KLHL1: variants seen among roughly 807,000 people sequenced by gnomAD.
KLHL1 encodes the protein kelch like family member 1, also known as kelch-like protein 1.
KLHL1 carries 47 observed loss-of-function variants against 77.7 expected under a neutral mutation model. That is an observed-to-expected ratio of 0.60 (90% confidence interval 0.48 to 0.77). KLHL1 has a LOEUF of 0.77. Among genes scored for constraint, KLHL1 ranks in the 30% least tolerant of loss-of-function variants. The pLI, the probability that KLHL1 is intolerant of heterozygous loss-of-function variation, is 0.00. For synonymous variants in KLHL1, 360 were observed against 325.2 expected, an observed-to-expected ratio of 1.11 and a Z score of -1.15; for missense variants, 925 against 910.8, an observed-to-expected ratio of 1.02 and a Z score of -0.20.
At chr13:70,046,146 G>A (rs1030321217) in intron 1 of KLHL1, among the ~76,000 whole-genome samples, 3 of 152,070 alleles carry the variant, frequency 2.0e-5, no homozygotes, top group African/African-American at 7.2e-5. Flanking sequence ...TGTAGGCAGA[G>A]GATACAACCA....
intron 4 of KLHL1, among the ~76,000 whole-genome samples, chr13:69,902,805 A>G (rs1215226296): frequency 6.6e-6 from 1 of 152,000 alleles, no homozygotes; most frequent in Non-Finnish European, 1.5e-5. Flanking sequence ...ACCTAATGTA[A>G]AATGATGAGT....
chr13:69,811,953 T>A (rs1399291961), intron 6 of KLHL1, among the ~76,000 whole-genome samples: 1 of 152,146 alleles, frequency 6.6e-6, no homozygotes, highest in Middle Eastern at 3.2e-3. Context: ...AGCTTTTGAA[T>A]GTGTTTGCTC....
In KLHL1 at chr13:69,740,490, G is replaced by C; in HGVS notation, c.1706C>G (p.Thr569Arg). ...ACTCTGTGGATCCCACCTTTCCACTGTATTCAGATAGCTCCAGCCATCATG... is the reference window on the plus strand; with the variant it reads ...ACTCTGTGGATCCCACCTTTCCACTCTATTCAGATAGCTCCAGCCATCATG... ...GGHDGWSYLN[T>R]VERWDPQSQQ... is the part of the protein sequence containing the mutation. The change falls in exon 8 of 11, where the codon ACA (threonine) becomes AGA (arginine). Residue 569 changes from threonine to arginine, a missense_variant. Transcript: ENST00000377844. The C allele has an allele frequency of 6.2e-7, 1 of 1,612,816 alleles. No homozygotes were observed. Among genetic ancestry groups the C allele is most frequent in the Non-Finnish European group, 8.5e-7 (1 of 1,179,064 alleles).
intron 1 of KLHL1, among the ~76,000 whole-genome samples, chr13:70,082,039 G>T (rs1238202323): frequency 1.3e-5 from 2 of 152,016 alleles, no homozygotes; most frequent in Non-Finnish European, 2.9e-5. Flanking sequence ...AGGTCAGGTT[G>T]TTTAAAGTTT....
In KLHL1 at chr13:69,975,811, C is replaced by A. The variant is rs767256209; in HGVS notation, c.498-9G>T. The A allele has an allele frequency of 7.2e-6, 6 of 834,884 alleles. No individual in the cohort carries two copies. The African/African-American group carries it at 1.1e-4, about 16-fold the overall frequency. The allele number at this position is 834,884 out of a possible 1,614,324, so 51.7% of individuals were successfully genotyped here. A position where few individuals can be genotyped will look rare whatever the true frequency, so the allele number is the denominator to read the frequency against. ...GGCCGGTTGATGACAGCCTATAAAC[C>A]ACACACACACACACACACACACAAA... On this transcript the variant is annotated splice_polypyrimidine_tract_variant and intron_variant, in intron 1 of 10. Transcript: ENST00000377844.
Position 69,766,317 on chromosome 13 carries a change from T to C in KLHL1, c.1640-25761A>G, listed in dbSNP as rs9572265. On this transcript the variant is annotated intron_variant, in intron 7 of 10. Transcript: ENST00000377844. ...TTTTTCATTATTATACATTAGCTGTTTCAAATATGCAAATGTTGAGTTCCT... is the reference window on the plus strand; with the variant it reads ...TTTTTCATTATTATACATTAGCTGTCTCAAATATGCAAATGTTGAGTTCCT... 3.2e-3 allele frequency among the ~76,000 whole-genome samples: 491 copies of C among 152,178 alleles called. 4 individuals are homozygous for C. Among genetic ancestry groups the C allele is most frequent in the East Asian group, 0.026 (133 of 5,174 alleles).
At chr13:70,093,173 G>T (rs1277449344) in intron 1 of KLHL1, among the ~76,000 whole-genome samples, 1 of 152,108 alleles carries the variant, frequency 6.6e-6, no homozygotes, top group Non-Finnish European at 1.5e-5. Context: ...TAGAAGAGGT[G>T]AAAATACGAT....
At chr13:69,999,182 G>A (rs1393799708) in intron 1 of KLHL1, among the ~76,000 whole-genome samples, 2 of 152,034 alleles carry the variant, frequency 1.3e-5, no homozygotes. Flanking sequence ...ATTATATAAT[G>A]TAACATAATC....
chr13:69,779,081 A>C (rs1875988489), intron 7 of KLHL1, among the ~76,000 whole-genome samples: 1 of 152,080 alleles, frequency 6.6e-6, no homozygotes, highest in Non-Finnish European at 1.5e-5. Flanking sequence ...TACAGGTCTA[A>C]GCCACCATGC....
chr13:69,851,516 G>A (rs1197544085), intron 5 of KLHL1, among the ~76,000 whole-genome samples: 2 of 151,800 alleles, frequency 1.3e-5, no homozygotes, highest in Non-Finnish European at 1.5e-5. Flanking sequence ...TGACTTTAGA[G>A]TTGCATGAAG....
chr13:69,827,559 G>A (rs905194162), intron 6 of KLHL1, among the ~76,000 whole-genome samples: 5 of 151,750 alleles, frequency 3.3e-5, no homozygotes, highest in Non-Finnish European at 7.4e-5. Context: ...GTGAAACCCC[G>A]TCTCTACAGA....
intron 5 of KLHL1, among the ~76,000 whole-genome samples, chr13:69,877,837 CTGTTA>C (rs1401455291): frequency 6.6e-6 from 1 of 152,080 alleles, no homozygotes; most frequent in Non-Finnish European, 1.5e-5. Context: ...TCCATATCCT[CTGTTA>C]TATTTTCTAC....
intron 1 of KLHL1, among the ~76,000 whole-genome samples, chr13:70,090,327 C>T (rs1010228200): frequency 1.3e-4 from 20 of 152,000 alleles, no homozygotes; most frequent in African/African-American, 4.8e-4. Context: ...GAACAGGCTT[C>T]ATAGAAGTAC....
At chr13:69,834,629 T>A (rs1331829587) in intron 6 of KLHL1, among the ~76,000 whole-genome samples, 1 of 152,176 alleles carries the variant, frequency 6.6e-6, no homozygotes, top group Non-Finnish European at 1.5e-5. Context: ...AATTTAAATT[T>A]AGTAGATGTT....
intron 7 of KLHL1, among the ~76,000 whole-genome samples, chr13:69,744,559 T>C (rs1368894790): frequency 1.3e-5 from 2 of 151,176 alleles, no homozygotes; most frequent in African/African-American, 4.8e-5. Flanking sequence ...ATGTAAAACA[T>C]GTAAGTGTTC....
At chr13:69,947,731 T>G (rs2225530) in intron 3 of KLHL1, among the ~76,000 whole-genome samples, 95,704 of 151,860 alleles carry the variant, frequency 0.63, 30,232 homozygotes, top group African/African-American at 0.65. Flanking sequence ...AAGCCAGAAG[T>G]CACAAATGGA....
chr13:70,015,449 G>A (rs1052274054), intron 1 of KLHL1, among the ~76,000 whole-genome samples: 1 of 152,166 alleles, frequency 6.6e-6, no homozygotes, highest in African/African-American at 2.4e-5. Context: ...GCACGTAACT[G>A]TGCATGCACA....
intron 1 of KLHL1, among the ~76,000 whole-genome samples, chr13:70,041,012 C>T (rs141677645): frequency 1.1e-3 from 173 of 152,216 alleles, no homozygotes; most frequent in South Asian, 3.7e-3. Context: ...TTGACATCTC[C>T]ACTTTGTTAA....
intron 1 of KLHL1, among the ~76,000 whole-genome samples, chr13:70,060,498 A>C (rs987957633): frequency 3.3e-5 from 5 of 151,724 alleles, no homozygotes; most frequent in African/African-American, 1.2e-4. Flanking sequence ...ACAATAGCCA[A>C]AATTTGGAAG....
Sources: gnomAD v4.1 joint callset for allele counts (sites outside exome capture counted in the v4.1 genomes callset) on GRCh38, gnomAD v4.1.1 for gene constraint, MANE v1.5 for transcripts, NCBI Gene and HGNC (gene_info 2026-07-23, HGNC 2026-07-21) for gene names.